EVI5: variants seen among roughly 807,000 people sequenced by gnomAD.
The protein encoded by EVI5 is ecotropic viral integration site 5 protein homolog.
A neutral mutation model predicts 112.0 loss-of-function variants in EVI5; 73 were observed. The observed-to-expected ratio is 0.65, with a 90% CI of 0.54 to 0.79. EVI5 has a LOEUF of 0.79. EVI5 is among the 30% of genes least tolerant of loss of function. The pLI is 0.00. For synonymous variants in EVI5, 305 were observed against 319.9 expected (o/e 0.95, Z 0.50); for missense variants, 900 against 968.8 (o/e 0.93, Z 0.94).
In EVI5 at chr1:92,792,222, C is replaced by A. The variant is rs1362668143; in HGVS notation, c.51+122G>T. ...ACTGAAGAAATGTTAACAAGCTGTT[C>A]CTGTGTTTTGAAGATTAAGCGAAAT... On this transcript the variant is annotated intron_variant, in intron 1 of 17. Coordinates refer to the EVI5 transcript ENST00000370331. The A allele has an allele frequency of 1.7e-5, 11 of 643,448 alleles. No homozygotes were observed. In the Admixed American group the frequency reaches 2.6e-4, roughly 15 times the overall value. The allele number at this position is 643,448 out of a possible 1,614,324, so 39.9% of individuals were successfully genotyped here.
intron 1 of EVI5, among the ~76,000 whole-genome samples, chr1:92,744,598 TCTCACACACACACA>T (rs1553263745): frequency 0.038 from 2,226 of 58,522 alleles, 70 homozygotes; most frequent in African/African-American, 0.14. Context: ...TCTCTCTCTC[TCTCACACACACACA>T]CACACACACA....
At position 92,693,842 on chromosome 1, in the gene EVI5, C is replaced by T; in HGVS notation, c.1057G>A (p.Ala353Thr). 1.2e-6 allele frequency: 2 copies of T among 1,606,662 alleles called. No homozygotes were observed. The highest frequency in any genetic ancestry group is 2.2e-5 in the East Asian group (1 of 44,818). ...GAATTGTATTTGACTTGGTAAGCTG[C>T]TTGGATTAGCTTGTCTGGGACACCA... The part of the protein sequence containing the change: ...FDGVPDKLIQ[A>T]AYQVKYNSKK... Residue 353 changes from alanine (A) to threonine (T), a missense_variant, in exon 9 of 20, where the codon GCA becomes ACA. Transcript: ENST00000684568.
At chr1:92,569,791 T>C (rs576943229) in intron 18 of EVI5, among the ~76,000 whole-genome samples, 2 of 142,674 alleles carry the variant, frequency 1.4e-5, no homozygotes, top group East Asian at 2.0e-4. Flanking sequence ...GAGGTGGAGG[T>C]TGCAGTGAGC....
intron 10 of EVI5, among the ~76,000 whole-genome samples, chr1:92,666,209 C>T (rs981940112): frequency 2.6e-5 from 4 of 151,700 alleles, no homozygotes; most frequent in African/African-American, 4.8e-5. Flanking sequence ...AGGCCAAGGC[C>T]GGCAGATGGC....
chr1:92,683,333 G>C (rs1385665208), intron 9 of EVI5, among the ~76,000 whole-genome samples: 2 of 152,118 alleles, frequency 1.3e-5, no homozygotes, highest in Non-Finnish European at 2.9e-5. Context: ...CTGACTGTTA[G>C]AAGAAAAACT....
Position 92,697,984 on chromosome 1 carries a change from A to T in EVI5, c.641T>A (p.Met214Lys). ...AFIVGLLLMQ[M>K]PEEEAFCVFV... ...TACACAGAAAGCTTCTTCTTCTGGC[A>T]TCTACATTGGAAGAAAAAAAAACAA... The change falls in exon 6 of 20, where the codon ATG (methionine) becomes AAG (lysine). Residue 214 changes from methionine to lysine, a missense_variant and splice_region_variant. Met to Lys is a moderately conservative substitution (Grantham distance 95, BLOSUM62 -1). Transcript: ENST00000684568. 6.2e-7 allele frequency: 1 copy of T among 1,609,242 alleles called. No individual in the cohort carries two copies. Among genetic ancestry groups the T allele is most frequent in the Non-Finnish European group, 8.5e-7 (1 of 1,178,136 alleles).
At chr1:92,653,215 T>G (rs539337242) in intron 13 of EVI5, among the ~76,000 whole-genome samples, 4 of 152,196 alleles carry the variant, frequency 2.6e-5, no homozygotes, top group Non-Finnish European at 1.5e-5. Flanking sequence ...CAGAGCCCCA[T>G]AGACATTCCC....
Position 92,569,793 on chromosome 1 carries a change from G to T in EVI5, c.2071-6056C>A, listed in dbSNP as rs540872509. On this transcript the variant is annotated intron_variant, in intron 18 of 19. Coordinates refer to ENST00000684568, the MANE Select transcript of EVI5 (RefSeq NM_001350197.2). ...CGCTTGAACCCGGGAGGTGGAGGTT[G>T]CAGTGAGCCGAGATTGCGCCACTGC... Among the ~76,000 whole-genome samples, 186 of 145,754 alleles carry T rather than the reference G, an allele frequency of 1.3e-3. 1 individual carries two copies. The highest frequency in any genetic ancestry group is 4.6e-3 in the African/African-American group (180 of 38,826).
Position 92,736,603 on chromosome 1 carries a change from T to C in EVI5, c.-57A>G. 1 of 1,613,910 alleles carries C rather than the reference T, an allele frequency of 6.2e-7. No individual in the cohort carries two copies. Among genetic ancestry groups the C allele is most frequent in the Non-Finnish European group, 8.5e-7 (1 of 1,179,794 alleles). On this transcript the variant is annotated 5_prime_UTR_variant, in exon 2 of 20. Coordinates refer to ENST00000684568, the MANE Select transcript of EVI5 (RefSeq NM_001350197.2). ...ACCCATGAGAGAGTAGAGCTCAGCT[T>C]TTCTGCAACTTTGTCTGTCGCCACC...
At chr1:92,524,218 G>A (rs1661468227) in intron 19 of EVI5, among the ~76,000 whole-genome samples, 1 of 150,358 alleles carries the variant, frequency 6.7e-6, no homozygotes, top group Non-Finnish European at 1.5e-5. Context: ...CCAGGAGTTT[G>A]TATTTTAAAC....
At chr1:92,560,834 G>GTAA (rs1298243914) in intron 19 of EVI5, among the ~76,000 whole-genome samples, 1 of 151,492 alleles carries the variant, frequency 6.6e-6, no homozygotes, top group Non-Finnish European at 1.5e-5. Context: ...CAAAGTGCTG[G>GTAA]GATTACAGGC....
At chr1:92,635,797 C>G (rs1462705033) in intron 14 of EVI5, among the ~76,000 whole-genome samples, 5 of 152,116 alleles carry the variant, frequency 3.3e-5, no homozygotes, top group Non-Finnish European at 7.4e-5. Flanking sequence ...TGGCTCCACC[C>G]GCTCAGATGA....
chr1:92,628,570 C>T (rs4642892), intron 14 of EVI5, among the ~76,000 whole-genome samples: 28,676 of 152,032 alleles, frequency 0.19, 3,189 homozygotes, highest in Non-Finnish European at 0.24. Context: ...TCCCAGCACA[C>T]GGATACAAGA....
At chr1:92,685,142 C>T (rs1668294295) in intron 9 of EVI5, among the ~76,000 whole-genome samples, 1 of 151,750 alleles carries the variant, frequency 6.6e-6, no homozygotes, top group Non-Finnish European at 1.5e-5. Context: ...CAAAATTGAC[C>T]ACATAGTTGG....
chr1:92,662,796 G>A lies in EVI5; in HGVS notation c.1315C>T (p.Gln439Ter). 1 of 1,289,344 alleles carries A rather than the reference G, an allele frequency of 7.8e-7. No individual in the cohort carries two copies. Among genetic ancestry groups the A allele is most frequent in the Non-Finnish European group, 1.0e-6 (1 of 988,666 alleles). 79.9% of individuals were successfully genotyped at this position (1,289,344 alleles called of 1,614,324 possible). A position where few individuals can be genotyped will look rare whatever the true frequency, so the allele number is the denominator to read the frequency against. ...LIKRELATIK[Q>*]QSDEASAKLE... ...TTAGCACTGGCCTCATCACTCTGCT[G>A]TTTGATGGTGGCCAACTCCCGTTTT... Residue 439 changes from glutamine (Q) to a stop codon, truncating the protein, a stop_gained, in exon 13 of 20, where the codon CAG (glutamine) becomes TAG (stop). Coordinates refer to ENST00000684568, the MANE Select transcript of EVI5 (RefSeq NM_001350197.2). LOFTEE classifies it high-confidence loss of function.
intron 19 of EVI5, among the ~76,000 whole-genome samples, chr1:92,542,819 T>A (rs771645359): frequency 6.6e-6 from 1 of 152,220 alleles, no homozygotes; most frequent in Non-Finnish European, 1.5e-5. Flanking sequence ...CTTGGGTGAC[T>A]AGTTGCATTG....
chr1:92,564,682 A>ATT (rs11313353), intron 18 of EVI5, among the ~76,000 whole-genome samples: 7 of 126,306 alleles, frequency 5.5e-5, no homozygotes, highest in Admixed American at 8.0e-5. Flanking sequence ...TCAGATAAAG[A>ATT]TTTTTTTTTT....
chr1:92,702,157 C>T lies in EVI5; in HGVS notation c.623G>A (p.Gly208Glu). Residue 208 changes from glycine to glutamate, a missense_variant, in exon 5 of 20, where the codon GGA (glycine) becomes GAA (glutamate). Transcript: ENST00000684568. ...GYCQGSAFIV[G>E]LLLMQMPEEE... is the part of the protein sequence containing the mutation. Reference sequence around the variant, plus strand: ...TTAACTTACCTGCATAAGCAACAATCCAACTATAAAAGCACTTCCTTGACA... The same window carrying T: ...TTAACTTACCTGCATAAGCAACAATTCAACTATAAAAGCACTTCCTTGACA... 1 of 1,496,654 alleles carries T rather than the reference C, an allele frequency of 6.7e-7. No homozygotes were observed. The highest frequency in any genetic ancestry group is 8.9e-7 in the Non-Finnish European group (1 of 1,118,146). 92.7% of individuals were successfully genotyped at this position (1,496,654 alleles called of 1,614,324 possible). A position where few individuals can be genotyped will look rare whatever the true frequency, so the allele number is the denominator to read the frequency against.
intron 19 of EVI5, among the ~76,000 whole-genome samples, chr1:92,557,118 A>T (rs984276815): frequency 6.6e-6 from 1 of 152,212 alleles, no homozygotes; most frequent in Non-Finnish European, 1.5e-5. Flanking sequence ...CCAACAAAAA[A>T]GACAGGATGA....
Sources: gnomAD v4.1 joint callset for allele counts (sites outside exome capture counted in the v4.1 genomes callset) on GRCh38, gnomAD v4.1.1 for gene constraint, MANE v1.5 for transcripts, NCBI Gene and HGNC (gene_info 2026-07-23, HGNC 2026-07-21) for gene names.